PTGFRN: variants seen among roughly 807,000 people sequenced by gnomAD.
PTGFRN encodes prostaglandin F2 receptor negative regulator.
Under a neutral mutation model 83.2 loss-of-function variants are expected in PTGFRN, and 35 were observed. The ratio of observed to expected loss-of-function variants is 0.42; its 90% confidence interval spans 0.32 to 0.56. The LOEUF is 0.56. Among genes scored for constraint, PTGFRN ranks in the 20% least tolerant of loss-of-function variants. PTGFRN has a pLI of 0.11. For missense variants in PTGFRN, 1,051 were observed against 1,179.5 expected (o/e 0.89, Z 1.60); for synonymous variants, 519 against 498.6 (o/e 1.04, Z -0.55).
In PTGFRN at chr1:116,944,949, A is replaced by C. The variant is rs767542204; in HGVS notation, c.689A>C (p.Tyr230Ser). ...VRLDTVGSDA[Y>S]RLSVSRALSA... ...CTCGACACCGTGGGCAGCGACGCCT[A>C]CCGCCTCTCAGTGTCCCGGGCTCTG... The change falls in exon 3 of 9, where the codon TAC (tyrosine) becomes TCC (serine). Residue 230 changes from tyrosine to serine, a missense_variant. By Grantham distance (144) the Tyr-to-Ser change is moderately radical (BLOSUM62 -2). Around this residue, in one of 3 missense-constraint regions of PTGFRN, gnomAD observed 205 missense variants for 174.5 expected, o/e 1.17. Transcript: ENST00000393203. The C allele has an allele frequency of 1.2e-6, 2 of 1,613,108 alleles. No homozygotes were observed. The highest frequency in any genetic ancestry group is 1.7e-6 in the Non-Finnish European group (2 of 1,179,982).
In PTGFRN at chr1:116,961,797, G is replaced by A. The variant is rs551817501; in HGVS notation, c.1639+129G>A. The A allele has an allele frequency of 9.7e-6, 9 of 928,300 alleles. No homozygotes were observed. The highest frequency in any genetic ancestry group is 5.7e-5 in the Admixed American group (2 of 35,280). 57.5% of individuals were successfully genotyped at this position (928,300 alleles called of 1,614,324 possible). A position where few individuals can be genotyped will look rare whatever the true frequency, so the allele number is the denominator to read the frequency against. On this transcript the variant is annotated intron_variant, in intron 5 of 8. Coordinates refer to ENST00000393203, the MANE Select transcript of PTGFRN (RefSeq NM_020440.4). The surrounding 1 kb of genome is among the most constrained non-coding windows in gnomAD (Gnocchi z 5.4). ...GGAATGTGTGTCCTGGACATTGATC[G>A]CCATGCGACCCGTTGCACATGCTCT...
intron 1 of PTGFRN, among the ~76,000 whole-genome samples, chr1:116,937,432 C>T (rs1398830965): frequency 6.6e-6 from 1 of 152,230 alleles, no homozygotes; most frequent in East Asian, 1.9e-4. Flanking sequence ...TGCAGTAATG[C>T]AGATGAGACG....
intron 4 of PTGFRN, among the ~76,000 whole-genome samples, chr1:116,954,910 G>C (rs1175854399): frequency 6.6e-6 from 1 of 152,188 alleles, no homozygotes; most frequent in Admixed American, 6.5e-5. Flanking sequence ...CTGGCATATG[G>C]AAAGCCCTTG....
At chr1:116,913,961 C>T (rs1427326437) in intron 1 of PTGFRN, among the ~76,000 whole-genome samples, 1 of 152,198 alleles carries the variant, frequency 6.6e-6, no homozygotes, top group Non-Finnish European at 1.5e-5. Context: ...AAAAGCATTA[C>T]ATCTGTATTT....
chr1:116,918,420 A>T lies in PTGFRN; in HGVS notation c.49+8168A>T, dbSNP rs893501597. On this transcript the variant is annotated intron_variant, in intron 1 of 8. Coordinates refer to ENST00000393203, the MANE Select transcript of PTGFRN (RefSeq NM_020440.4). This position sits in a 1 kb window ranked among gnomAD's most constrained non-coding sequence, Gnocchi z 4.1. ...ACATTAGTGTATGTAAGTTCCTAGA[A>T]CTCTGCTACCCCAACTGTGTTCTGT... Among the ~76,000 whole-genome samples the T allele has an allele frequency of 3.9e-5, 6 of 152,104 alleles. No individual in the cohort carries two copies. The highest frequency in any genetic ancestry group is 1.4e-4 in the African/African-American group (6 of 41,418).
chr1:116,914,708 C>T (rs376274949), intron 1 of PTGFRN, among the ~76,000 whole-genome samples: 5 of 151,466 alleles, frequency 3.3e-5, no homozygotes, highest in Admixed American at 6.6e-5. Flanking sequence ...GGACCGTGAT[C>T]GCACCACTGC....
chr1:116,929,641 A>G (rs538940599), intron 1 of PTGFRN, among the ~76,000 whole-genome samples: 71 of 152,354 alleles, frequency 4.7e-4, no homozygotes, highest in African/African-American at 1.6e-3. Flanking sequence ...AAACTCAGAC[A>G]TGACCCTCTC....
At chr1:116,978,233 A>C (rs1266082945) in intron 7 of PTGFRN, among the ~76,000 whole-genome samples, 1 of 152,238 alleles carries the variant, frequency 6.6e-6, no homozygotes, top group Non-Finnish European at 1.5e-5. Context: ...AATAATTAAT[A>C]GCCTACCAAC....
In PTGFRN at chr1:116,910,104, G is replaced by A; in HGVS notation, c.-100G>A. The stretch of plus-strand genomic sequence containing the variant: ...GCGGAGCAGGCGCGCGGCCCAGGCG[G>A]AGGAGCGCCGACTCTGGAGCAGCCG... On this transcript the variant is annotated 5_prime_UTR_variant, in exon 1 of 9. Transcript: ENST00000393203. 1 of 1,317,044 alleles carries A rather than the reference G, an allele frequency of 7.6e-7. No homozygotes were observed. The highest frequency in any genetic ancestry group is 1.0e-6 in the Non-Finnish European group (1 of 957,328). The allele number at this position is 1,317,044 out of a possible 1,614,324, so 81.6% of individuals were successfully genotyped here.
intron 4 of PTGFRN, among the ~76,000 whole-genome samples, chr1:116,953,395 A>G (rs973909220): frequency 9.2e-5 from 14 of 152,344 alleles, no homozygotes; most frequent in African/African-American, 3.1e-4. Flanking sequence ...TCTGGAAGGC[A>G]GAAGTGCACG....
chr1:116,964,123 T>C (rs1340397903), intron 5 of PTGFRN, among the ~76,000 whole-genome samples: 1 of 151,982 alleles, frequency 6.6e-6, no homozygotes, highest in Non-Finnish European at 1.5e-5. Context: ...TCTTCATCCG[T>C]CTTTCTGTTT....
chr1:116,974,134 T>G (rs1651076502), intron 6 of PTGFRN, 82 bp from the exon 7 acceptor site: 1 of 1,066,378 alleles, frequency 9.4e-7, no homozygotes, highest in Admixed American at 2.1e-5. Flanking sequence ...GAACCACATT[T>G]TGATGCCCCT....
rs1649467921 is a variant in PTGFRN at position 116,918,723 on chromosome 1, G to T, written c.49+8471G>T. Among the ~76,000 whole-genome samples the T allele has an allele frequency of 6.6e-6, 1 of 152,212 alleles. No individual in the cohort carries two copies. Among genetic ancestry groups the T allele is most frequent in the African/African-American group, 2.4e-5 (1 of 41,450 alleles). ...AGTTAGCAGTGAAGGATGGAGGATAGCATAGGTCTGTAGTAAAGGCAGTGG... is the reference window on the plus strand; with the variant it reads ...AGTTAGCAGTGAAGGATGGAGGATATCATAGGTCTGTAGTAAAGGCAGTGG... On this transcript the variant is annotated intron_variant, in intron 1 of 8. Coordinates refer to ENST00000393203, the MANE Select transcript of PTGFRN (RefSeq NM_020440.4). This position sits in a 1 kb window ranked among gnomAD's most constrained non-coding sequence, Gnocchi z 4.1.
At chr1:116,951,045 T>C (rs1406571101) in intron 4 of PTGFRN, among the ~76,000 whole-genome samples, 1 of 152,192 alleles carries the variant, frequency 6.6e-6, no homozygotes, top group African/African-American at 2.4e-5. Flanking sequence ...TATTGTATGG[T>C]GCTGTCAAAT....
chr1:116,957,205 G>A (rs1044042401), intron 4 of PTGFRN, among the ~76,000 whole-genome samples: 1 of 151,934 alleles, frequency 6.6e-6, no homozygotes, highest in Non-Finnish European at 1.5e-5. Context: ...AGAGGCAGAT[G>A]TGGAGTGAGG....
At chr1:116,964,942 C>T (rs908141780) in intron 5 of PTGFRN, among the ~76,000 whole-genome samples, 1 of 152,276 alleles carries the variant, frequency 6.6e-6, no homozygotes, top group African/African-American at 2.4e-5. Flanking sequence ...TAGCACACAG[C>T]AGCTGGAACA....
chr1:116,946,837 G>T (rs1056739906), intron 3 of PTGFRN, among the ~76,000 whole-genome samples: 7 of 152,176 alleles, frequency 4.6e-5, no homozygotes, highest in African/African-American at 1.7e-4. Flanking sequence ...GTAGTAATAT[G>T]CTGCTTTATT....
At chr1:116,954,629 G>A (rs931978682) in intron 4 of PTGFRN, among the ~76,000 whole-genome samples, 2 of 152,156 alleles carry the variant, frequency 1.3e-5, no homozygotes, top group South Asian at 2.1e-4. Flanking sequence ...CTTGTCTTCC[G>A]GGACGTAGCA....
intron 1 of PTGFRN, among the ~76,000 whole-genome samples, chr1:116,911,033 A>G (rs187751105): frequency 9.0e-4 from 84 of 92,928 alleles, no homozygotes; most frequent in Non-Finnish European, 8.8e-4. Flanking sequence ...CCCCCCACCC[A>G]AGGAATCTTT....
Sources: allele counts gnomAD v4.1 joint callset (sites outside exome capture counted in the v4.1 genomes callset), GRCh38; gene constraint gnomAD v4.1.1; regional missense constraint gnomAD v4.1.1; non-coding constraint Gnocchi (gnomAD v3.1); transcripts MANE v1.5; gene names NCBI Gene and HGNC (gene_info 2026-07-23, HGNC 2026-07-21).